The following CASTOR2 variants were observed in gnomAD, a reference collection of about 807,000 sequenced individuals.
The protein encoded by CASTOR2 is cytosolic arginine sensor for mTORC1 subunit 2.
In CASTOR2, 8 loss-of-function variants were observed where a neutral mutation model predicts 31.2. The ratio of observed to expected loss-of-function variants is 0.26; its 90% CI spans 0.15 to 0.46. The LOEUF (loss-of-function observed/expected upper bound fraction) is 0.46. Ranked by LOEUF, CASTOR2 falls within the 20% of genes least tolerant of loss-of-function variation. CASTOR2 has a pLI of 0.99. For synonymous variants in CASTOR2, 162 were observed against 158.7 expected (o/e 1.02, Z -0.16); for missense variants, 216 against 382.1 (o/e 0.57, Z 3.62).
intron 1 of CASTOR2, among the ~76,000 whole-genome samples, chr7:75,007,417 G>A (rs1804632246): frequency 6.6e-6 from 1 of 152,148 alleles, no homozygotes; most frequent in African/African-American, 2.4e-5. Context: ...GAGATGATGT[G>A]AGGTGGGGCA....
rs1178084776 is a variant in CASTOR2 at position 75,026,188 on chromosome 7, G to GTTTTTTTTT, written c.*1489_*1490insTTTTTTTTT. ...CCCCTGTGGTTTTGGCTCTGGCGGG[G>GTTTTTTTTT]GTTTTTTTTTTTTTTTTTGAGATGG... On this transcript the variant is annotated 3_prime_UTR_variant, in exon 9 of 9. Transcript: ENST00000616305. 4.1e-4 allele frequency among the ~76,000 whole-genome samples: 47 copies of GTTTTTTTTT among 113,260 alleles called. No homozygotes were observed. Among genetic ancestry groups the GTTTTTTTTT allele is most frequent in the Non-Finnish European group, 4.9e-4 (25 of 51,486 alleles). 74.3% of individuals were successfully genotyped at this position (113,260 alleles called of 152,430 possible). A position where few individuals can be genotyped will look rare whatever the true frequency, so the allele number is the denominator to read the frequency against.
At position 75,017,731 on chromosome 7, in the gene CASTOR2, A is replaced by G; in HGVS notation, c.318A>G (p.Pro106=). 6.2e-7 allele frequency: 1 copy of G among 1,613,996 alleles called. No individual in the cohort carries two copies. The highest frequency in any genetic ancestry group is 1.3e-5 in the African/African-American group (1 of 75,044). ...VTKIAKSVIA[P]LADQNISVFM... is the part of the protein sequence containing the mutation. Reference sequence around the variant, plus strand: ...AGATCGCCAAGTCAGTCATCGCCCCACTGGCTGACCAGAACATATCCGTGT... The same window carrying G: ...AGATCGCCAAGTCAGTCATCGCCCCGCTGGCTGACCAGAACATATCCGTGT... Residue 106 remains proline (P), a synonymous_variant, in exon 3 of 9, where the codon CCA becomes CCG. Transcript: ENST00000616305.
At chr7:75,020,337 G>A (rs1717636030) in intron 6 of CASTOR2, among the ~76,000 whole-genome samples, 188 bp downstream of exon 6, 1 of 151,928 alleles carries the variant, frequency 6.6e-6, no homozygotes, top group Admixed American at 6.6e-5. Context: ...CCACCTCTCA[G>A]GTTCAAGCAA....
chr7:75,010,120 A>G (rs1804703946), intron 2 of CASTOR2, among the ~76,000 whole-genome samples: 1 of 151,938 alleles, frequency 6.6e-6, no homozygotes, highest in South Asian at 2.1e-4. Context: ...TAGAAGCAGC[A>G]TGGGGAGACT....
At chr7:75,013,617 T>A (rs1478655592) in intron 2 of CASTOR2, among the ~76,000 whole-genome samples, 1 of 152,000 alleles carries the variant, frequency 6.6e-6, no homozygotes, top group Non-Finnish European at 1.5e-5. Flanking sequence ...CACTCCAGCC[T>A]GGGTGATAGA....
Position 75,028,059 on chromosome 7 carries a change from G to A in CASTOR2, c.*3360G>A, listed in dbSNP as rs1035388369. The A allele has an allele frequency of 2.0e-4, 310 of 1,534,198 alleles. 1 individual carries two copies. In the Admixed American group the frequency reaches 5.2e-3, roughly 26 times the overall value. ...AGAGGAGTGGGCCTGTTGTCTTGGC[G>A]CTGGCGGATGGGGCAGGTGCCTGGC... is the stretch of plus-strand genomic sequence containing the variant. On this transcript the variant is annotated 3_prime_UTR_variant, in exon 9 of 9. Coordinates refer to ENST00000616305, the MANE Select transcript of CASTOR2 (RefSeq NM_001145064.3).
rs1805088082 is a variant in CASTOR2 at position 75,024,981 on chromosome 7, C to T, written c.*282C>T. 6.6e-6 allele frequency among the ~76,000 whole-genome samples: 1 copy of T among 152,238 alleles called. No homozygotes were observed. The highest frequency in any genetic ancestry group is 1.5e-5 in the Non-Finnish European group (1 of 68,026). On this transcript the variant is annotated 3_prime_UTR_variant, in exon 9 of 9. Transcript: ENST00000616305. The stretch of plus-strand genomic sequence containing the variant: ...AAAATGCTTTCGGAGGCCCAGGGAG[C>T]TTGTGAGCTGATCCGCCTTCTCATC...
Position 75,017,614 on chromosome 7 carries a change from G to C in CASTOR2, c.201G>C (p.Glu67Asp). Reference sequence around the variant, plus strand: ...TCCCTCCAGAGCTGCCCTCCTCGGAGCACCTGAGTGTGGCAGATGCCACCT... The same window carrying C: ...TCCCTCCAGAGCTGCCCTCCTCGGACCACCTGAGTGTGGCAGATGCCACCT... The part of the protein sequence containing the change: ...EEGFLELPSS[E>D]HLSVADATWL... Residue 67 changes from glutamate (E) to aspartate (D), a missense_variant, in exon 3 of 9, where the codon GAG becomes GAC. Physicochemically the swap from Glu to Asp is conservative, Grantham distance 45. Around this residue, in one of 5 missense-constraint regions of CASTOR2, gnomAD observed 114 missense variants for 194.2 expected, o/e 0.59. Coordinates refer to ENST00000616305, the MANE Select transcript of CASTOR2 (RefSeq NM_001145064.3). 6.2e-7 allele frequency: 1 copy of C among 1,613,988 alleles called. No homozygotes were observed. The highest frequency in any genetic ancestry group is 8.5e-7 in the Non-Finnish European group (1 of 1,179,872).
rs587639561 is a variant in CASTOR2, at chr7:74,977,197, A to C, written c.113+12099A>C. Among the ~76,000 whole-genome samples, 427 of 150,650 alleles carry C rather than the reference A, an allele frequency of 2.8e-3. 5 individuals carry two copies. The highest frequency in any genetic ancestry group is 9.1e-3 in the African/African-American group (372 of 41,038). ...GAAACTCCATCTCAAAAAAAAAAAA[A>C]AAAAAAACACCTTGTAAAAGGTTTA... On this transcript the variant is annotated intron_variant, in intron 1 of 8. Coordinates refer to ENST00000616305, the MANE Select transcript of CASTOR2 (RefSeq NM_001145064.3).
chr7:75,006,880 G>A (rs1804619004), intron 1 of CASTOR2, among the ~76,000 whole-genome samples: 1 of 122,172 alleles, frequency 8.2e-6, no homozygotes, highest in South Asian at 2.9e-4. Context: ...AACCAGCCAT[G>A]TGGAACTATG....
rs1805145627 is a variant in CASTOR2 at position 75,026,733 on chromosome 7, G to A, written c.*2034G>A. ...AACTCGTACATTGCTGGTCCCAAAA[G>A]GGAGGTGGCCAAGTGGGGCAGGGCT... On this transcript the variant is annotated 3_prime_UTR_variant, in exon 9 of 9. Transcript: ENST00000616305. Among the ~76,000 whole-genome samples the A allele has an allele frequency of 6.6e-6, 1 of 152,102 alleles. No individual in the cohort carries two copies. The highest frequency in any genetic ancestry group is 1.5e-5 in the Non-Finnish European group (1 of 68,030).
rs1563063744 is a variant in CASTOR2, at chr7:75,017,594, C to G, written c.185-4C>G. 3.7e-6 allele frequency: 6 copies of G among 1,613,694 alleles called. No homozygotes were observed. Among genetic ancestry groups the G allele is most frequent in the Non-Finnish European group, 5.1e-6 (6 of 1,179,846 alleles). On this transcript the variant is annotated splice_polypyrimidine_tract_variant and splice_region_variant and intron_variant, in intron 2 of 8. Transcript: ENST00000616305. ...ACAGGACTGCCTTCTGTGTCTCCCT[C>G]CAGAGCTGCCCTCCTCGGAGCACCT...
chr7:75,030,895 C>T lies in CASTOR2; in HGVS notation c.*6196C>T, dbSNP rs1805284134. ...GAGTTTGTGGGGGCCGGCACTCCCTCATCTACTGGGGCTCATTCTGGAAGA... is the reference window on the plus strand; with the variant it reads ...GAGTTTGTGGGGGCCGGCACTCCCTTATCTACTGGGGCTCATTCTGGAAGA... On this transcript the variant is annotated 3_prime_UTR_variant, in exon 9 of 9. Coordinates refer to ENST00000616305, the MANE Select transcript of CASTOR2 (RefSeq NM_001145064.3). Among the ~76,000 whole-genome samples the T allele has an allele frequency of 1.3e-5, 2 of 152,172 alleles. No homozygotes were observed. The highest frequency in any genetic ancestry group is 2.4e-5 in the African/African-American group (1 of 41,442).
chr7:75,001,782 A>G (rs1584469805), intron 1 of CASTOR2, among the ~76,000 whole-genome samples: 1 of 152,216 alleles, frequency 6.6e-6, no homozygotes, highest in Non-Finnish European at 1.5e-5. Flanking sequence ...GCTGTGGTCT[A>G]CTGAGGGAAG....
chr7:74,995,081 G>T (rs1804309369), intron 1 of CASTOR2, among the ~76,000 whole-genome samples: 1 of 152,132 alleles, frequency 6.6e-6, no homozygotes, highest in South Asian at 2.1e-4. Flanking sequence ...ACGTCATCGG[G>T]CTGGGCTCAG....
intron 2 of CASTOR2, among the ~76,000 whole-genome samples, chr7:75,011,007 C>A (rs1336373404): frequency 6.6e-6 from 1 of 152,090 alleles, no homozygotes; most frequent in African/African-American, 2.4e-5. Context: ...CACCCACCAC[C>A]ATGCCCGGCT....
chr7:75,018,071 G>C lies in CASTOR2; in HGVS notation c.460G>C (p.Val154Leu). 6.2e-7 allele frequency: 1 copy of C among 1,614,166 alleles called. No homozygotes were observed. The highest frequency in any genetic ancestry group is 1.1e-5 in the South Asian group (1 of 91,088). Reference sequence around the variant, plus strand: ...CCTGCGGGTCGTCAATGGCGAGACCGTGGCAGCCGAGAACCTCGGCATCAC... The same window carrying C: ...CCTGCGGGTCGTCAATGGCGAGACCCTGGCAGCCGAGAACCTCGGCATCAC... ...TILRVVNGET[V>L]AAENLGITNG... is the part of the protein sequence containing the mutation. The change falls in exon 4 of 9, where the codon GTG (valine) becomes CTG (leucine). Residue 154 changes from valine (V) to leucine (L), a missense_variant. Physicochemically the swap from Val to Leu is conservative, Grantham distance 32. Coordinates refer to ENST00000616305, the MANE Select transcript of CASTOR2 (RefSeq NM_001145064.3).
intron 4 of CASTOR2, 111 bp downstream of exon 4, chr7:75,018,233 G>A: frequency 6.5e-7 from 1 of 1,536,000 alleles, no homozygotes. Flanking sequence ...CATGAATGGA[G>A]TGCCAGGCAG....
At chr7:75,014,955 G>A (rs1336684753) in intron 2 of CASTOR2, among the ~76,000 whole-genome samples, 1 of 152,244 alleles carries the variant, frequency 6.6e-6, no homozygotes, top group Non-Finnish European at 1.5e-5. Flanking sequence ...CCCGAAGCCT[G>A]CGGCTTTGAT....
Sources: gnomAD v4.1 joint callset for allele counts (sites outside exome capture counted in the v4.1 genomes callset) on GRCh38, gnomAD v4.1.1 for gene constraint, gnomAD v4.1.1 regional missense constraint, MANE v1.5 for transcripts, NCBI Gene and HGNC (gene_info 2026-07-23, HGNC 2026-07-21) for gene names.